Variants in PLD5 observed in about 807,000 individuals in gnomAD.
The protein encoded by PLD5 is inactive phospholipase D5.
Under a neutral mutation model 61.1 loss-of-function variants are expected in PLD5, and 36 were observed. The ratio of observed to expected loss-of-function variants is 0.59; its 90% CI spans 0.45 to 0.78. PLD5 has a LOEUF of 0.78. PLD5 is among the 30% of genes least tolerant of loss of function. The pLI, the probability that PLD5 is intolerant of heterozygous loss-of-function variation, is 0.00. For synonymous variants in PLD5, 243 were observed against 242.8 expected, an observed-to-expected ratio of 1.00 and a Z score of -0.01; for missense variants, 515 against 644.4, an observed-to-expected ratio of 0.80 and a Z score of 2.17.
intron 1 of PLD5, among the ~76,000 whole-genome samples, chr1:242,496,071 G>A (rs1503791): frequency 0.44 from 66,953 of 152,084 alleles, 15,117 homozygotes; most frequent in East Asian, 0.64. Flanking sequence ...CAAGGAAAGT[G>A]TATTTGTTCT....
intron 2 of PLD5, among the ~76,000 whole-genome samples, chr1:242,326,759 T>G (rs1372763014): frequency 1.3e-5 from 2 of 152,112 alleles, no homozygotes; most frequent in Non-Finnish European, 2.9e-5. Context: ...CAGGCTAGAG[T>G]GCAGTGGCAT....
At chr1:242,320,038 C>G (rs562224680) in intron 2 of PLD5, among the ~76,000 whole-genome samples, 2 of 152,214 alleles carry the variant, frequency 1.3e-5, no homozygotes, top group African/African-American at 4.8e-5. Context: ...CAGATTTTTC[C>G]TATGATTTTG....
intron 5 of PLD5, among the ~76,000 whole-genome samples, chr1:242,139,263 T>A (rs563175608): frequency 6.4e-4 from 98 of 152,264 alleles, no homozygotes; most frequent in Middle Eastern, 3.4e-3. Flanking sequence ...GTTTTTTTTT[T>A]AATTTTTCTT....
upstream of PLD5, among the ~76,000 whole-genome samples, chr1:242,527,778 A>AAT (rs1417200946): frequency 6.6e-6 from 1 of 152,208 alleles, no homozygotes; most frequent in Non-Finnish European, 1.5e-5. Flanking sequence ...AGGGAAGAAA[A>AAT]ATAGTGTTTC....
In PLD5 at chr1:242,263,170, G is replaced by A. The variant is rs1673469484; in HGVS notation, c.607+2167C>T. On this transcript the variant is annotated intron_variant, in intron 4 of 9. Coordinates refer to ENST00000536534, the MANE Select transcript of PLD5 (RefSeq NM_001372062.1). ...CCTTTTTCTGGGCCTCCTTACACCT[G>A]CACTAAATCTTTGTCATTTACTGGG... Among the ~76,000 whole-genome samples, 3 of 152,062 alleles carry A rather than the reference G, an allele frequency of 2.0e-5. No homozygotes were observed. In the South Asian group the frequency reaches 6.2e-4, roughly 31 times the overall value.
intron 1 of PLD5, among the ~76,000 whole-genome samples, chr1:242,479,885 T>C (rs1297850296): frequency 7.3e-6 from 1 of 136,144 alleles, no homozygotes; most frequent in Non-Finnish European, 1.6e-5. Flanking sequence ...CTACTAAAAA[T>C]ACAAAAAAAA....
chr1:242,124,301 G>A, intron 6 of PLD5, 167 bp downstream of exon 6: 1 of 584,576 alleles, frequency 1.7e-6, no homozygotes, highest in Non-Finnish European at 3.0e-6. Flanking sequence ...TTATATTTGA[G>A]GGTATGATTG....
chr1:242,518,707 C>T (rs990113223), intron 1 of PLD5, among the ~76,000 whole-genome samples: 1 of 152,148 alleles, frequency 6.6e-6, no homozygotes, highest in Non-Finnish European at 1.5e-5. Context: ...AAAAAGAAAA[C>T]TTGTATTCAA....
chr1:242,281,774 C>T (rs1674733880), intron 3 of PLD5, among the ~76,000 whole-genome samples: 1 of 152,120 alleles, frequency 6.6e-6, no homozygotes, highest in Admixed American at 6.5e-5. Context: ...GAAGTGCCCC[C>T]TGCTTCTCCA....
chr1:242,167,556 G>A (rs1666420424), intron 5 of PLD5, among the ~76,000 whole-genome samples: 1 of 152,112 alleles, frequency 6.6e-6, no homozygotes, highest in Admixed American at 6.5e-5. Flanking sequence ...AGATTTGGGT[G>A]GGGACACAGC....
chr1:242,321,282 A>ATTCT (rs1333195025), intron 2 of PLD5, among the ~76,000 whole-genome samples: 2 of 149,188 alleles, frequency 1.3e-5, no homozygotes, highest in East Asian at 2.0e-4. Context: ...TTTACCATCT[A>ATTCT]TTCTTTCTTT....
In PLD5 at chr1:242,419,386, G is replaced by GTT. The variant is rs58320205; in HGVS notation, c.190-71146_190-71145dup. ...CAAGCTGAGTGCAGTCCTGATTTTTGTTTTTTTTTTTTTTTTTTTGGCGGG... is the reference window on the plus strand; with the variant it reads ...CAAGCTGAGTGCAGTCCTGATTTTTGTTTTTTTTTTTTTTTTTTTTTGGCGGG... On this transcript the variant is annotated intron_variant, in intron 1 of 9. Coordinates refer to ENST00000536534, the MANE Select transcript of PLD5 (RefSeq NM_001372062.1). 9.2e-4 allele frequency among the ~76,000 whole-genome samples: 89 copies of GTT among 96,488 alleles called. 1 individual carries two copies. The highest frequency in any genetic ancestry group is 1.2e-3 in the Non-Finnish European group (56 of 47,718). The allele number at this position is 96,488 out of a possible 152,430, so 63.3% of individuals were successfully genotyped here. A position where few individuals can be genotyped will look rare whatever the true frequency, so the allele number is the denominator to read the frequency against.
At chr1:242,428,607 T>C (rs1429542915) in intron 1 of PLD5, among the ~76,000 whole-genome samples, 1 of 152,200 alleles carries the variant, frequency 6.6e-6, no homozygotes, top group African/African-American at 2.4e-5. Context: ...AGGTTATCTA[T>C]TCATCAAATG....
At position 242,190,435 on chromosome 1, in the gene PLD5, C is replaced by G. The variant is rs150414785; in HGVS notation, c.735+29553G>C. 4.2e-3 allele frequency among the ~76,000 whole-genome samples: 642 copies of G among 152,032 alleles called. 4 individuals carry two copies. The highest frequency in any genetic ancestry group is 0.014 in the African/African-American group (600 of 41,512). On this transcript the variant is annotated intron_variant, in intron 5 of 9. Transcript: ENST00000536534. Reference sequence around the variant, plus strand: ...TGCTGGGATTACAGGCGTGAGCCACCGCGCCCGGCCCATTGCAGGACTCCT... The same window carrying G: ...TGCTGGGATTACAGGCGTGAGCCACGGCGCCCGGCCCATTGCAGGACTCCT...
intron 5 of PLD5, among the ~76,000 whole-genome samples, chr1:242,140,642 A>G (rs1394551718): frequency 1.3e-5 from 2 of 152,208 alleles, no homozygotes; most frequent in Non-Finnish European, 2.9e-5. Flanking sequence ...GTGTCCAAAA[A>G]TGAATAAATA....
At chr1:242,419,768 G>T (rs1665038569) in intron 1 of PLD5, among the ~76,000 whole-genome samples, 1 of 151,920 alleles carries the variant, frequency 6.6e-6, no homozygotes, top group African/African-American at 2.4e-5. Context: ...ACCCAAGAAT[G>T]AAGTAGTTCA....
intron 2 of PLD5, among the ~76,000 whole-genome samples, chr1:242,311,432 T>A (rs923144420): frequency 1.3e-4 from 20 of 152,218 alleles, no homozygotes; most frequent in Non-Finnish European, 2.9e-5. Flanking sequence ...TACTTCCACT[T>A]CTGACCAGTT....
chr1:242,206,573 A>G (rs1669326355), intron 5 of PLD5, among the ~76,000 whole-genome samples: 1 of 152,198 alleles, frequency 6.6e-6, no homozygotes, highest in Non-Finnish European at 1.5e-5. Flanking sequence ...CAATTAACAC[A>G]TATTTTGCAT....
chr1:242,289,709 C>A (rs1431477157), intron 2 of PLD5, among the ~76,000 whole-genome samples: 1 of 152,148 alleles, frequency 6.6e-6, no homozygotes, highest in Non-Finnish European at 1.5e-5. Flanking sequence ...CTGTTAGGTG[C>A]TTCCAGAACA....
Sources: gnomAD v4.1 joint callset for allele counts (sites outside exome capture counted in the v4.1 genomes callset) on GRCh38, gnomAD v4.1.1 for gene constraint, MANE v1.5 for transcripts, NCBI Gene and HGNC (gene_info 2026-07-23, HGNC 2026-07-21) for gene names.